ARID4B: variants seen among roughly 807,000 people sequenced by gnomAD.
ARID4B encodes AT-rich interactive domain-containing protein 4B.
Under a neutral mutation model 147.5 loss-of-function variants are expected in ARID4B, and 26 were observed. The ratio of observed to expected loss-of-function variants is 0.18; its 90% CI spans 0.13 to 0.24. The LOEUF (loss-of-function observed/expected upper bound fraction) is 0.24. ARID4B is among the 10% of genes least tolerant of loss of function. ARID4B has a pLI of 1.00. For missense variants in ARID4B, 1,179 were observed against 1,511.5 expected (o/e 0.78, Z 3.65); for synonymous variants, 512 against 507.9 (o/e 1.01, Z -0.11).
intron 16 of ARID4B, among the ~76,000 whole-genome samples, chr1:235,218,115 T>A (rs1411530544): frequency 6.6e-6 from 1 of 152,180 alleles, no homozygotes. Flanking sequence ...CAGACCACAG[T>A]TGACCACAGG....
chr1:235,257,055 T>C (rs1362784716), intron 4 of ARID4B, 105 bp downstream of exon 4: 2 of 783,988 alleles, frequency 2.6e-6, no homozygotes, highest in Non-Finnish European at 4.3e-6. Flanking sequence ...GAAAATTACA[T>C]ATTGAATTTA....
chr1:235,298,056 A>G (rs960386412), intron 2 of ARID4B, among the ~76,000 whole-genome samples: 1 of 152,222 alleles, frequency 6.6e-6, no homozygotes, highest in Admixed American at 6.5e-5. Flanking sequence ...TGACAGTTGT[A>G]CTATGAAAGG....
At chr1:235,246,380 T>C (rs1457607658) in intron 7 of ARID4B, 40 bp downstream of exon 7, 2 of 1,436,980 alleles carry the variant, frequency 1.4e-6, no homozygotes, top group Non-Finnish European at 2.0e-6. Context: ...GAAGGAGAAA[T>C]GAATTCAGGT....
intron 2 of ARID4B, among the ~76,000 whole-genome samples, chr1:235,269,651 C>CAT (rs1043916609): frequency 1.3e-5 from 2 of 151,942 alleles, no homozygotes; most frequent in African/African-American, 4.8e-5. Flanking sequence ...TATATACACA[C>CAT]ATATATATAC....
intron 2 of ARID4B, among the ~76,000 whole-genome samples, chr1:235,291,212 C>T (rs374338167): frequency 2.6e-5 from 4 of 151,776 alleles, no homozygotes; most frequent in East Asian, 1.9e-4. Flanking sequence ...CTGGCTAACA[C>T]GTTGAAACCC....
chr1:235,210,090 G>C (rs1666613567), intron 17 of ARID4B, among the ~76,000 whole-genome samples: 1 of 151,888 alleles, frequency 6.6e-6, no homozygotes, highest in Non-Finnish European at 1.5e-5. Context: ...AGCCAGGTGT[G>C]GTGATGCACA....
intron 14 of ARID4B, 31 bp downstream of exon 14, chr1:235,221,534 G>A (rs768646849): frequency 1.6e-6 from 2 of 1,247,818 alleles, no homozygotes; most frequent in Admixed American, 3.8e-5. Context: ...TAAAAATACT[G>A]AAGATAATCA....
chr1:235,188,346 T>C (rs1162807222), intron 19 of ARID4B, among the ~76,000 whole-genome samples: 2 of 152,104 alleles, frequency 1.3e-5, no homozygotes, highest in African/African-American at 4.8e-5. Flanking sequence ...CCAACCCAGT[T>C]TACCATAGAA....
intron 2 of ARID4B, among the ~76,000 whole-genome samples, chr1:235,324,069 C>T (rs1018621469): frequency 2.0e-5 from 3 of 151,926 alleles, no homozygotes; most frequent in African/African-American, 4.8e-5. Flanking sequence ...CCATGCCCAG[C>T]TAATTTTGTA....
chr1:235,306,406 G>C (rs1673562985), intron 2 of ARID4B, among the ~76,000 whole-genome samples: 1 of 151,542 alleles, frequency 6.6e-6, no homozygotes, highest in South Asian at 2.1e-4. Flanking sequence ...GGGAGGCTGA[G>C]CCAGGAGAAT....
At chr1:235,198,994 G>T (rs1665692479) in intron 17 of ARID4B, among the ~76,000 whole-genome samples, 1 of 152,132 alleles carries the variant, frequency 6.6e-6, no homozygotes, top group African/African-American at 2.4e-5. Flanking sequence ...AGCTACTCGG[G>T]AGGCTGAGGC....
chr1:235,322,829 A>AG (rs1425908798), intron 2 of ARID4B, among the ~76,000 whole-genome samples: 2 of 151,834 alleles, frequency 1.3e-5, no homozygotes, highest in Non-Finnish European at 2.9e-5. Flanking sequence ...AAGAACAGAG[A>AG]GGGGGGAACG....
chr1:235,170,934 AC>A (rs1441216117), intron 23 of ARID4B, among the ~76,000 whole-genome samples: 92 of 147,472 alleles, frequency 6.2e-4, no homozygotes, highest in African/African-American at 2.2e-3. Context: ...AAAAAAAAAA[AC>A]CACACACACA....
intron 17 of ARID4B, among the ~76,000 whole-genome samples, chr1:235,204,666 G>A (rs764222964): frequency 6.6e-6 from 1 of 152,142 alleles, no homozygotes; most frequent in Non-Finnish European, 1.5e-5. Flanking sequence ...ACTGCAAATG[G>A]TTAACTGTGC....
chr1:235,302,402 G>T (rs1405799416), intron 2 of ARID4B, among the ~76,000 whole-genome samples: 2 of 151,768 alleles, frequency 1.3e-5, no homozygotes, highest in African/African-American at 4.8e-5. Context: ...TCCAAATTGA[G>T]ACATGCCATA....
At chr1:235,253,894 G>A (rs1669793607) in intron 5 of ARID4B, among the ~76,000 whole-genome samples, 1 of 151,984 alleles carries the variant, frequency 6.6e-6, no homozygotes, top group Admixed American at 6.6e-5. Context: ...TGCTCAACAG[G>A]ATCTCACGTT....
At position 235,168,436 on chromosome 1, in the gene ARID4B, T is replaced by C. The variant is rs1663089774; in HGVS notation, c.*89A>G. The C allele has an allele frequency of 7.1e-7, 1 of 1,405,574 alleles. No homozygotes were observed. Among genetic ancestry groups the C allele is most frequent in the African/African-American group, 1.5e-5 (1 of 68,722 alleles). 87.1% of individuals were successfully genotyped at this position (1,405,574 alleles called of 1,614,324 possible). Reference sequence around the variant, plus strand: ...ATTTTTAAATATAAAATAGTGCTTGTCTGATATTTTTTTGTGCCACTGTGC... The same window carrying C: ...ATTTTTAAATATAAAATAGTGCTTGCCTGATATTTTTTTGTGCCACTGTGC... On this transcript the variant is annotated 3_prime_UTR_variant, in exon 24 of 24. Transcript: ENST00000264183.
intron 2 of ARID4B, among the ~76,000 whole-genome samples, chr1:235,320,758 A>G (rs1438555303): frequency 1.3e-5 from 2 of 152,086 alleles, no homozygotes; most frequent in African/African-American, 2.4e-5. Flanking sequence ...TCACACTCAA[A>G]CATGCCAAGC....
At chr1:235,216,531 T>C (rs1213145951) in intron 16 of ARID4B, among the ~76,000 whole-genome samples, 1 of 151,942 alleles carries the variant, frequency 6.6e-6, no homozygotes, top group African/African-American at 2.4e-5. Flanking sequence ...TTAGTAGAGA[T>C]GGGGTTTCAC....
Sources: gnomAD v4.1 joint callset for allele counts (sites outside exome capture counted in the v4.1 genomes callset) on GRCh38, gnomAD v4.1.1 for gene constraint, MANE v1.5 for transcripts, NCBI Gene and HGNC (gene_info 2026-07-23, HGNC 2026-07-21) for gene names.